The following SGCZ variants were observed in gnomAD, a reference collection of about 807,000 sequenced individuals.
SGCZ encodes zeta-sarcoglycan.
A neutral mutation model predicts 41.3 loss-of-function variants in SGCZ; 40 were observed. The observed-to-expected ratio is 0.97, with a 90% confidence interval of 0.75 to 1.26. SGCZ has a LOEUF of 1.26. Ranked by LOEUF, SGCZ falls within the 50% of genes most tolerant of loss-of-function variation. The pLI is 0.00. For missense variants in SGCZ, 552 were observed against 369.8 expected (o/e 1.49, Z -4.04); for synonymous variants, 206 against 137.5 (o/e 1.50, Z -3.49).
At chr8:14,744,119 A>AAAAC (rs3069637) in intron 1 of SGCZ, among the ~76,000 whole-genome samples, 52,992 of 151,354 alleles carry the variant, frequency 0.35, 10,847 homozygotes, top group African/African-American at 0.56. Flanking sequence ...AAAAATTTAA[A>AAAAC]AAACAAACAA....
chr8:14,759,994 T>C (rs1015584168), intron 1 of SGCZ, among the ~76,000 whole-genome samples: 4 of 152,366 alleles, frequency 2.6e-5, no homozygotes, highest in South Asian at 2.1e-4. Context: ...ATTTAGCTAT[T>C]GAGTGGTGTT....
chr8:14,287,952 T>C (rs1022808219), intron 3 of SGCZ, among the ~76,000 whole-genome samples: 2 of 152,162 alleles, frequency 1.3e-5, no homozygotes, highest in African/African-American at 2.4e-5. Flanking sequence ...TTCGGTGAAG[T>C]AAAACAGAAA....
intron 1 of SGCZ, among the ~76,000 whole-genome samples, chr8:15,115,480 A>G (rs1427072634): frequency 1.3e-5 from 2 of 152,226 alleles, no homozygotes; most frequent in Non-Finnish European, 2.9e-5. Context: ...CAAGACAAAC[A>G]AATTGATTTA....
intron 4 of SGCZ, among the ~76,000 whole-genome samples, chr8:14,226,618 G>C (rs1474547593): frequency 6.6e-6 from 1 of 152,070 alleles, no homozygotes; most frequent in East Asian, 1.9e-4. Context: ...AAGGATATTT[G>C]AGTTGACTCC....
chr8:14,890,138 A>G (rs1345603639), intron 1 of SGCZ, among the ~76,000 whole-genome samples: 1 of 151,958 alleles, frequency 6.6e-6, no homozygotes, highest in Non-Finnish European at 1.5e-5. Context: ...AATCGCTTCA[A>G]CGTGGGAGGC....
chr8:14,372,956 C>T (rs11992039), intron 2 of SGCZ, among the ~76,000 whole-genome samples: 6,793 of 152,154 alleles, frequency 0.045, 494 homozygotes, highest in African/African-American at 0.15. Flanking sequence ...ATAGATGTGA[C>T]ATTATGATAT....
intron 1 of SGCZ, among the ~76,000 whole-genome samples, chr8:14,600,244 G>C (rs567955053): frequency 6.6e-6 from 1 of 152,156 alleles, no homozygotes; most frequent in East Asian, 1.9e-4. Flanking sequence ...CATTCACCCA[G>C]GCTCTACTCC....
intron 5 of SGCZ, among the ~76,000 whole-genome samples, chr8:14,124,631 T>C (rs954033690): frequency 6.6e-6 from 1 of 152,256 alleles, no homozygotes; most frequent in African/African-American, 2.4e-5. Flanking sequence ...GTTAGGCATA[T>C]CTTAAGTTTC....
At chr8:14,905,805 A>C (rs556106023) in intron 1 of SGCZ, among the ~76,000 whole-genome samples, 1 of 152,180 alleles carries the variant, frequency 6.6e-6, no homozygotes, top group Non-Finnish European at 1.5e-5. Flanking sequence ...ATAAGAAAAA[A>C]AAAAGGTAAA....
chr8:14,188,400 T>C (rs1440063998), intron 4 of SGCZ, among the ~76,000 whole-genome samples: 1 of 151,454 alleles, frequency 6.6e-6, no homozygotes, highest in Non-Finnish European at 1.5e-5. Flanking sequence ...TACTGCAACA[T>C]TAGTAAACCC....
chr8:14,215,984 G>A (rs796573641), intron 4 of SGCZ, among the ~76,000 whole-genome samples: 7 of 152,284 alleles, frequency 4.6e-5, no homozygotes, highest in African/African-American at 1.4e-4. Flanking sequence ...CCCTGAGGAG[G>A]GTGCTGTAAA....
intron 1 of SGCZ, among the ~76,000 whole-genome samples, chr8:15,102,452 C>T (rs1451622672): frequency 6.6e-6 from 1 of 152,130 alleles, no homozygotes; most frequent in Non-Finnish European, 1.5e-5. Flanking sequence ...GAATAAATGA[C>T]ATTATGCATT....
Position 14,539,106 on chromosome 8 carries a change from G to T in SGCZ, c.234+15626C>A, listed in dbSNP as rs552518159. Among the ~76,000 whole-genome samples, 9 of 152,076 alleles carry T rather than the reference G, an allele frequency of 5.9e-5. No individual in the cohort carries two copies. In the South Asian group the frequency reaches 1.7e-3, roughly 28 times the overall value. On this transcript the variant is annotated intron_variant, in intron 2 of 7. Transcript: ENST00000382080. ...AGTGGGCCTCATCCAATCAGTTAAA[G>T]AATTTAAAAGAAAGAAGACTGACTT...
At chr8:14,272,188 G>T (rs1800089105) in intron 3 of SGCZ, among the ~76,000 whole-genome samples, 1 of 152,110 alleles carries the variant, frequency 6.6e-6, no homozygotes, top group African/African-American at 2.4e-5. Context: ...ATTTTTTGTA[G>T]AGACAGTGTT....
At chr8:14,566,144 C>T (rs1376217760) in intron 1 of SGCZ, among the ~76,000 whole-genome samples, 1 of 152,074 alleles carries the variant, frequency 6.6e-6, no homozygotes, top group East Asian at 1.9e-4. Flanking sequence ...CAAAGTCTAA[C>T]TAAAATAAGT....
At chr8:15,034,599 A>G (rs138212145) in intron 1 of SGCZ, among the ~76,000 whole-genome samples, 1 of 152,206 alleles carries the variant, frequency 6.6e-6, no homozygotes, top group Non-Finnish European at 1.5e-5. Context: ...ATATCCAGGT[A>G]CAGAAAGGTC....
At chr8:15,106,978 A>AT (rs1212098919) in intron 1 of SGCZ, among the ~76,000 whole-genome samples, 1 of 152,028 alleles carries the variant, frequency 6.6e-6, no homozygotes, top group African/African-American at 2.4e-5. Flanking sequence ...GTTTTTCTCC[A>AT]TTTACATATT....
At chr8:14,614,634 A>C (rs1806036310) in intron 1 of SGCZ, among the ~76,000 whole-genome samples, 1 of 152,156 alleles carries the variant, frequency 6.6e-6, no homozygotes, top group Non-Finnish European at 1.5e-5. Flanking sequence ...TTCATTTTTG[A>C]GTTGGTACTA....
At chr8:15,194,237 T>A (rs1366188761) in intron 1 of SGCZ, among the ~76,000 whole-genome samples, 4 of 142,272 alleles carry the variant, frequency 2.8e-5, no homozygotes, top group African/African-American at 1.0e-4. Flanking sequence ...ACCACAACCC[T>A]CCCTTTGGTA....
Sources: allele counts gnomAD v4.1 joint callset (sites outside exome capture counted in the v4.1 genomes callset), GRCh38; gene constraint gnomAD v4.1.1; transcripts MANE v1.5; gene names NCBI Gene and HGNC (gene_info 2026-07-23, HGNC 2026-07-21).